RHPN2: variants seen among roughly 807,000 people sequenced by gnomAD.
RHPN2 encodes the protein rhophilin-2.
A neutral mutation model predicts 79.0 loss-of-function variants in RHPN2; 40 were observed. The ratio of observed to expected loss-of-function variants is 0.51; its 90% confidence interval spans 0.39 to 0.66. The LOEUF is 0.66. Ranked by LOEUF, RHPN2 falls within the 30% of genes least tolerant of loss-of-function variation. RHPN2 has a pLI of 0.00. For missense variants in RHPN2, 686 were observed against 883.5 expected (o/e 0.78, Z 2.83); for synonymous variants, 285 against 363.5 (o/e 0.78, Z 2.46).
In RHPN2 at chr19:33,039,117, T is replaced by C. The variant is rs1207968695; in HGVS notation, c.185+5132A>G. ...CTTGCCGCAGCTTCAGCGACCTTAT[T>C]AGAGCAGCTTAGCCTTAGTCCATCT... On this transcript the variant is annotated intron_variant, in intron 2 of 14. Coordinates refer to ENST00000254260, the MANE Select transcript of RHPN2 (RefSeq NM_033103.5). Among the ~76,000 whole-genome samples, 6 of 152,272 alleles carry C rather than the reference T, an allele frequency of 3.9e-5. No individual in the cohort carries two copies. The South Asian group carries it at 8.3e-4, about 21-fold the overall frequency.
chr19:33,058,408 G>A (rs1401928745), intron 1 of RHPN2, among the ~76,000 whole-genome samples: 1 of 152,226 alleles, frequency 6.6e-6, no homozygotes. Context: ...GAAAAGGGGA[G>A]GGAAGGCATG....
At chr19:32,995,615 T>C (rs1283253609) in intron 11 of RHPN2, among the ~76,000 whole-genome samples, 1 of 151,992 alleles carries the variant, frequency 6.6e-6, no homozygotes, top group Non-Finnish European at 1.5e-5. Context: ...TCCCAGCACT[T>C]TGGGAGGCCA....
chr19:33,002,928 A>T lies in RHPN2; in HGVS notation c.833T>A (p.Val278Glu). 6.2e-7 allele frequency: 1 copy of T among 1,613,970 alleles called. No homozygotes were observed. The highest frequency in any genetic ancestry group is 8.5e-7 in the Non-Finnish European group (1 of 1,179,866). The change falls in exon 8 of 15, where the codon GTG (valine) becomes GAG (glutamate). Residue 278 changes from valine to glutamate, a missense_variant. Transcript: ENST00000254260. ...TTGTGCAAGCATCATTTTGACGAGC[A>T]CGCTGAGCATGGCAGGGCTCATGTC... ...SYDMSPAMLS[V>E]LVKMMLAQAQ... is the part of the protein sequence containing the mutation.
In RHPN2 at chr19:33,021,635, G is replaced by A. The variant is rs777147380; in HGVS notation, c.326C>T (p.Thr109Met). 1.9e-5 allele frequency: 30 copies of A among 1,613,346 alleles called. No homozygotes were observed. The highest frequency in any genetic ancestry group is 4.0e-5 in the African/African-American group (3 of 74,918). The change falls in exon 4 of 15, where the codon ACG (threonine) becomes ATG (methionine). Residue 109 changes from threonine (T) to methionine (M), a missense_variant. Transcript: ENST00000254260. ...GVYQNTEEAF[T>M]IPLIPLGLKE... ...CAGGCCAAGAGGAATCAGGGGAATC[G>A]TAAATGCCTCCCTATGAGGAACACA...
intron 10 of RHPN2, among the ~76,000 whole-genome samples, chr19:32,996,963 A>G (rs889182847): frequency 2.6e-5 from 4 of 152,074 alleles, no homozygotes; most frequent in African/African-American, 7.2e-5. Flanking sequence ...TGGTGCAATC[A>G]TGGCTTACCG....
At position 33,013,179 on chromosome 19, in the gene RHPN2, G is replaced by GT. The variant is rs71176183; in HGVS notation, c.391-456dup. Among the ~76,000 whole-genome samples the GT allele has an allele frequency of 1.5e-3, 211 of 145,226 alleles. 3 individuals are homozygous for GT. Among genetic ancestry groups the GT allele is most frequent in the Middle Eastern group, 7.7e-3 (2 of 260 alleles). On this transcript the variant is annotated intron_variant, in intron 4 of 14. Coordinates refer to ENST00000254260, the MANE Select transcript of RHPN2 (RefSeq NM_033103.5). Reference sequence around the variant, plus strand: ...ATGTCAGCCACCGTGCCCGGCCATAGTTTTTTTTTAAAAAAACAAAAACAA... The same window carrying GT: ...ATGTCAGCCACCGTGCCCGGCCATAGTTTTTTTTTTAAAAAAACAAAAACAA...
At chr19:33,006,459 G>A (rs1971792060) in intron 7 of RHPN2, among the ~76,000 whole-genome samples, 2 of 152,158 alleles carry the variant, frequency 1.3e-5, no homozygotes, top group African/African-American at 2.4e-5. Context: ...GAGTCAAAGT[G>A]GCAAAGCTAT....
intron 14 of RHPN2, 98 bp downstream of exon 14, chr19:32,990,416 G>A: frequency 2.4e-6 from 3 of 1,250,268 alleles, no homozygotes; most frequent in Admixed American, 1.7e-5. Flanking sequence ...TGTTACACAG[G>A]CAGGAGACAG....
intron 6 of RHPN2, among the ~76,000 whole-genome samples, chr19:33,009,976 G>A (rs1275532792): frequency 3.3e-5 from 5 of 151,178 alleles, no homozygotes; most frequent in African/African-American, 9.7e-5. Context: ...ACAGGGTTTC[G>A]CCGTGTTGGT....
At chr19:33,045,543 G>A (rs1381009898) in intron 1 of RHPN2, among the ~76,000 whole-genome samples, 3 of 151,448 alleles carry the variant, frequency 2.0e-5, no homozygotes, top group Admixed American at 6.6e-5. Context: ...GCACAATCTC[G>A]GCTCACTGCA....
intron 7 of RHPN2, among the ~76,000 whole-genome samples, 165 bp from the exon 8 acceptor site, chr19:33,003,165 G>A (rs1416982437): frequency 4.6e-5 from 7 of 151,754 alleles, no homozygotes; most frequent in Non-Finnish European, 7.4e-5. Context: ...CAAGACCAGC[G>A]TGGGCAACGT....
chr19:33,056,670 A>G (rs1218053231), intron 1 of RHPN2, among the ~76,000 whole-genome samples: 1 of 152,234 alleles, frequency 6.6e-6, no homozygotes, highest in Non-Finnish European at 1.5e-5. Context: ...AAAGTAATTT[A>G]TAATAATCTT....
intron 7 of RHPN2, among the ~76,000 whole-genome samples, chr19:33,005,093 C>T (rs1971779255): frequency 6.6e-6 from 1 of 151,358 alleles, no homozygotes; most frequent in Non-Finnish European, 1.5e-5. Context: ...ATTCAGCAGT[C>T]CAGGGCTTTT....
At chr19:33,019,641 A>G (rs552153090) in intron 4 of RHPN2, among the ~76,000 whole-genome samples, 1 of 151,872 alleles carries the variant, frequency 6.6e-6, no homozygotes, top group East Asian at 1.9e-4. Flanking sequence ...GCACACGCCT[A>G]TAGTACCAGC....
intron 2 of RHPN2, among the ~76,000 whole-genome samples, chr19:33,031,210 T>TTTCTTTTCTATTCTA (rs1972007900): frequency 6.9e-6 from 1 of 145,026 alleles, no homozygotes; most frequent in African/African-American, 2.6e-5. Flanking sequence ...TATTCTATTC[T>TTTCTTTTCTATTCTA]TTCTATTCTA....
intron 13 of RHPN2, 46 bp downstream of exon 13, chr19:32,991,777 C>A: frequency 6.2e-7 from 1 of 1,613,492 alleles, no homozygotes; most frequent in Non-Finnish European, 8.5e-7. Context: ...AATTCAATCA[C>A]CCAGATATCT....
chr19:33,043,571 G>A (rs1052584370), intron 2 of RHPN2, among the ~76,000 whole-genome samples: 3 of 152,064 alleles, frequency 2.0e-5, no homozygotes, highest in Non-Finnish European at 4.4e-5. Flanking sequence ...AAAACAAGGC[G>A]GCACGGGGCT....
chr19:33,060,156 G>A (rs964783226), intron 1 of RHPN2, among the ~76,000 whole-genome samples: 6 of 151,980 alleles, frequency 3.9e-5, no homozygotes, highest in African/African-American at 9.7e-5. Flanking sequence ...GCATTGTGAC[G>A]TTTTTTTTGA....
chr19:33,056,953 CAAAAAA>C (rs754855820), intron 1 of RHPN2, among the ~76,000 whole-genome samples: 217 of 114,436 alleles, frequency 1.9e-3, no homozygotes, highest in African/African-American at 6.4e-3. Flanking sequence ...AATAAAAATA[CAAAAAA>C]AAAAAAAAAA....
Sources: gnomAD v4.1 joint callset for allele counts (sites outside exome capture counted in the v4.1 genomes callset) on GRCh38, gnomAD v4.1.1 for gene constraint, MANE v1.5 for transcripts, NCBI Gene and HGNC (gene_info 2026-07-23, HGNC 2026-07-21) for gene names.